LRRC40: variants seen among roughly 807,000 people sequenced by gnomAD.
The protein encoded by LRRC40 is leucine rich repeat containing 40, also known as leucine-rich repeat-containing protein 40.
LRRC40 carries 76 observed loss-of-function variants against 72.8 expected under a neutral mutation model. The ratio of observed to expected loss-of-function variants is 1.04; its 90% CI spans 0.87 to 1.26. The LOEUF (loss-of-function observed/expected upper bound fraction) is 1.26. Among genes scored for constraint, LRRC40 ranks in the 50% most tolerant of loss-of-function variants. LRRC40 has a pLI of 0.00. For synonymous variants in LRRC40, 243 were observed against 254.2 expected (o/e 0.96, Z 0.42); for missense variants, 684 against 698.9 (o/e 0.98, Z 0.24).
intron 4 of LRRC40, among the ~76,000 whole-genome samples, chr1:70,184,439 A>T (rs1454881052): frequency 6.6e-6 from 1 of 151,984 alleles, no homozygotes; most frequent in Non-Finnish European, 1.5e-5. Context: ...CGCAGGTAAT[A>T]TAAGGAAGGA....
At chr1:70,150,820 A>G (rs944879389) in intron 13 of LRRC40, among the ~76,000 whole-genome samples, 1 of 152,170 alleles carries the variant, frequency 6.6e-6, no homozygotes, top group Non-Finnish European at 1.5e-5. Flanking sequence ...CCTCTACCTT[A>G]AAGTAATCTC....
intron 9 of LRRC40, among the ~76,000 whole-genome samples, chr1:70,166,316 G>A (rs986395919): frequency 2.5e-4 from 38 of 152,248 alleles, no homozygotes; most frequent in Admixed American, 1.8e-3. Flanking sequence ...GTGGTAAGAT[G>A]TTAATAATAT....
intron 4 of LRRC40, among the ~76,000 whole-genome samples, chr1:70,181,490 TA>T (rs1259225272): frequency 2.6e-5 from 4 of 152,058 alleles, no homozygotes; most frequent in Admixed American, 1.3e-4. Context: ...CGGATTCTGT[TA>T]AAACAAAGTC....
At chr1:70,193,660 A>T (rs1481099431) in intron 1 of LRRC40, among the ~76,000 whole-genome samples, 2 of 152,080 alleles carry the variant, frequency 1.3e-5, no homozygotes, top group African/African-American at 4.8e-5. Flanking sequence ...TAAAAGAGAA[A>T]ATAAAACAAA....
At chr1:70,159,565 T>C (rs1049949615) in intron 9 of LRRC40, 127 bp from the exon 10 acceptor site, 10 of 437,268 alleles carry the variant, frequency 2.3e-5, no homozygotes, top group Non-Finnish European at 4.2e-5. Flanking sequence ...TTTAGTCATA[T>C]GCTTTATTTC....
chr1:70,197,843 G>A lies in LRRC40; in HGVS notation c.151+7547C>T, dbSNP rs575242411. Among the ~76,000 whole-genome samples the A allele has an allele frequency of 1.2e-4, 18 of 152,180 alleles. No individual in the cohort carries two copies. The South Asian group carries it at 3.7e-3, about 32-fold the overall frequency. On this transcript the variant is annotated intron_variant, in intron 1 of 14. Transcript: ENST00000370952. ...GCCTGTAATCCCAGCACTTTGAGAG[G>A]TCAAGGCAGGTGGATCACCTGAGGT...
chr1:70,152,834 G>A (rs1385640364), intron 11 of LRRC40, among the ~76,000 whole-genome samples: 1 of 152,030 alleles, frequency 6.6e-6, no homozygotes, highest in African/African-American at 2.4e-5. Flanking sequence ...ACTATGGCAC[G>A]AAGGAGAAAA....
Position 70,144,984 on chromosome 1 carries a change from C to CTAA in LRRC40, c.*813_*815dup, listed in dbSNP as rs768753366. The stretch of plus-strand genomic sequence containing the variant: ...AATCATATGGTAAGTGTTATAATGA[C>CTAA]TAATCAACCTACTTCTGATAATTTT... On this transcript the variant is annotated 3_prime_UTR_variant, in exon 15 of 15. Transcript: ENST00000370952. The CTAA allele has an allele frequency of 6.6e-6, 1 of 152,032 alleles. No individual in the cohort carries two copies. Among genetic ancestry groups the CTAA allele is most frequent in the Non-Finnish European group, 1.5e-5 (1 of 68,016 alleles). The allele number at this position is 152,032 out of a possible 1,614,324, so 9.4% of individuals were successfully genotyped here. A position where few individuals can be genotyped will look rare whatever the true frequency, so the allele number is the denominator to read the frequency against.
chr1:70,182,431 G>T (rs1414540539), intron 4 of LRRC40, among the ~76,000 whole-genome samples: 1 of 152,000 alleles, frequency 6.6e-6, no homozygotes, highest in African/African-American at 2.4e-5. Flanking sequence ...TAACATTAAA[G>T]AAAGTTGGAT....
intron 1 of LRRC40, among the ~76,000 whole-genome samples, chr1:70,198,838 C>T (rs1668672325): frequency 6.6e-6 from 1 of 151,958 alleles, no homozygotes; most frequent in African/African-American, 2.4e-5. Flanking sequence ...GGAGTCAGTA[C>T]AATTCTAAAT....
chr1:70,150,197 G>A (rs144338312), intron 13 of LRRC40, among the ~76,000 whole-genome samples: 1 of 152,234 alleles, frequency 6.6e-6, no homozygotes, highest in African/African-American at 2.4e-5. Context: ...GGGATTACAG[G>A]TGTCAGTCAC....
In LRRC40 at chr1:70,145,718, T is replaced by G; in HGVS notation, c.*82A>C. 1.4e-6 allele frequency: 1 copy of G among 698,894 alleles called. No individual in the cohort carries two copies. The highest frequency in any genetic ancestry group is 2.5e-6 in the Non-Finnish European group (1 of 403,518). 43.3% of individuals were successfully genotyped at this position (698,894 alleles called of 1,614,324 possible). ...CAATTACAATAATCACCTTTTAAGA[T>G]GATACTAAAACAAATGTTACATCCT... On this transcript the variant is annotated 3_prime_UTR_variant, in exon 15 of 15. Transcript: ENST00000370952.
At chr1:70,187,812 C>T (rs1424559642) in intron 2 of LRRC40, among the ~76,000 whole-genome samples, 1 of 125,208 alleles carries the variant, frequency 8.0e-6, no homozygotes, top group Non-Finnish European at 1.7e-5. Context: ...GCCTGGGCTA[C>T]AGAGTGAGAC....
At chr1:70,176,241 A>G (rs1668101086) in intron 6 of LRRC40, among the ~76,000 whole-genome samples, 1 of 152,216 alleles carries the variant, frequency 6.6e-6, no homozygotes, top group Non-Finnish European at 1.5e-5. Context: ...AAGTTTATAA[A>G]ACCAAAGTAG....
At chr1:70,162,568 T>C (rs1465756236) in intron 9 of LRRC40, among the ~76,000 whole-genome samples, 1 of 152,180 alleles carries the variant, frequency 6.6e-6, no homozygotes, top group African/African-American at 2.4e-5. Flanking sequence ...CACCCCACTT[T>C]TATCACATGA....
At chr1:70,163,414 A>G (rs1256026340) in intron 9 of LRRC40, among the ~76,000 whole-genome samples, 1 of 152,042 alleles carries the variant, frequency 6.6e-6, no homozygotes, top group Non-Finnish European at 1.5e-5. Context: ...AAAGAATCTG[A>G]TTCCTTGCCC....
intron 3 of LRRC40, among the ~76,000 whole-genome samples, chr1:70,185,913 G>A (rs1281501842): frequency 5.3e-5 from 8 of 152,046 alleles, no homozygotes; most frequent in African/African-American, 7.2e-5. Context: ...ACTCACTTAC[G>A]AATTCCATGC....
chr1:70,174,537 A>G (rs1214973605), intron 7 of LRRC40, among the ~76,000 whole-genome samples: 1 of 152,104 alleles, frequency 6.6e-6, no homozygotes, highest in Non-Finnish European at 1.5e-5. Context: ...ATGTCCATCA[A>G]CTAACTACTG....
At position 70,178,986 on chromosome 1, in the gene LRRC40, C is replaced by A; in HGVS notation, c.669G>T (p.Lys223Asn). ...AGAGATTTGAATTACAATCCAAATGCTTCAACCCTGTAATATATATTCAGT... is the reference window on the plus strand; with the variant it reads ...AGAGATTTGAATTACAATCCAAATGATTCAACCCTGTAATATATATTCAGT... The part of the protein sequence containing the change: ...PAEINRMKRL[K>N]HLDCNSNLLE... The change falls in exon 6 of 15, where the codon AAG becomes AAT. Residue 223 changes from lysine to asparagine, a missense_variant. By Grantham distance (94) the Lys-to-Asn change is moderately conservative. Transcript: ENST00000370952. 6.3e-7 allele frequency: 1 copy of A among 1,586,690 alleles called. No individual in the cohort carries two copies. Among genetic ancestry groups the A allele is most frequent in the Non-Finnish European group, 8.6e-7 (1 of 1,164,706 alleles).
Sources: allele counts gnomAD v4.1 joint callset (sites outside exome capture counted in the v4.1 genomes callset), GRCh38; gene constraint gnomAD v4.1.1; transcripts MANE v1.5; gene names NCBI Gene and HGNC (gene_info 2026-07-23, HGNC 2026-07-21).